PXDC1: variants seen among roughly 807,000 people sequenced by gnomAD.
PXDC1 encodes PX domain containing 1, also known as PX domain-containing protein 1.
In PXDC1, 13 loss-of-function variants were observed where a neutral mutation model predicts 24.4. The observed-to-expected ratio is 0.53, with a 90% CI of 0.35 to 0.85. The LOEUF is 0.85. PXDC1 is among the 40% of genes least tolerant of loss of function. The pLI, the probability that PXDC1 is intolerant of heterozygous loss-of-function variation, is 0.01. For synonymous variants in PXDC1, 162 were observed against 124.9 expected (o/e 1.30, Z -1.98); for missense variants, 344 against 309.3 (o/e 1.11, Z -0.84).
In PXDC1 at chr6:3,723,442, AC is replaced by A; in HGVS notation, c.*176del. 2 of 641,286 alleles carry A rather than the reference AC, an allele frequency of 3.1e-6. No individual in the cohort carries two copies. Among genetic ancestry groups the A allele is most frequent in the South Asian group, 3.8e-5 (2 of 53,242 alleles). 39.7% of individuals were successfully genotyped at this position (641,286 alleles called of 1,614,324 possible). A position where few individuals can be genotyped will look rare whatever the true frequency, so the allele number is the denominator to read the frequency against. On this transcript the variant is annotated 3_prime_UTR_variant, in exon 5 of 5. Coordinates refer to ENST00000380283, the MANE Select transcript of PXDC1 (RefSeq NM_183373.4). Reference sequence around the variant, plus strand: ...GGAGACTCTGCGGTCAGCCTGGCCCACTAGGAGCCCCTGCTGCTCCACTTGC... The same window carrying A: ...GGAGACTCTGCGGTCAGCCTGGCCCATAGGAGCCCCTGCTGCTCCACTTGC...
intron 1 of PXDC1, among the ~76,000 whole-genome samples, chr6:3,741,406 A>G (rs763093200): frequency 6.6e-6 from 1 of 152,204 alleles, no homozygotes; most frequent in Non-Finnish European, 1.5e-5. Flanking sequence ...AAGCACAGAA[A>G]TGACGGTGCT....
Position 3,727,635 on chromosome 6 carries a change from A to G in PXDC1, c.494T>C (p.Leu165Ser), listed in dbSNP as rs776343810. Residue 165 changes from leucine to serine, a missense_variant, in exon 4 of 5, where the codon TTA becomes TCA. Physicochemically the swap from Leu to Ser is moderately radical, Grantham distance 145 (BLOSUM62 -2). Coordinates refer to ENST00000380283, the MANE Select transcript of PXDC1 (RefSeq NM_183373.4). ...SEIMRSNGFC[L>S]ANTETIVIDH... ...AATAACTATTGTTTCGGTATTTGCT[A>G]AACAAAATCCATTGGACCTCATGAT... is the stretch of plus-strand genomic sequence containing the variant. 1.3e-5 allele frequency: 21 copies of G among 1,613,822 alleles called. No individual in the cohort carries two copies. Among genetic ancestry groups the G allele is most frequent in the Non-Finnish European group, 1.7e-5 (20 of 1,179,684 alleles).
chr6:3,750,210 G>A (rs1441264350), intron 1 of PXDC1, among the ~76,000 whole-genome samples: 2 of 152,242 alleles, frequency 1.3e-5, no homozygotes, highest in South Asian at 2.1e-4. Context: ...TCTCAAGAAC[G>A]CAGCCAGATA....
At chr6:3,744,805 C>T (rs1233269498) in intron 1 of PXDC1, among the ~76,000 whole-genome samples, 1 of 152,238 alleles carries the variant, frequency 6.6e-6, no homozygotes. Flanking sequence ...TCAAGTGATT[C>T]TCCTGCCTTA....
Position 3,751,596 on chromosome 6 carries a change from C to A in PXDC1, c.-65G>T. 2 of 1,431,826 alleles carry A rather than the reference C, an allele frequency of 1.4e-6. No individual in the cohort carries two copies. Among genetic ancestry groups the A allele is most frequent in the Non-Finnish European group, 1.8e-6 (2 of 1,098,050 alleles). 88.7% of individuals were successfully genotyped at this position (1,431,826 alleles called of 1,614,324 possible). On this transcript the variant is annotated 5_prime_UTR_variant, in exon 1 of 5. Transcript: ENST00000380283. ...CGCCCGCCCGCCCGCAGGAGGCGCG[C>A]CCCGGCCGGGGTCGTCCCGGGTCTG...
intron 1 of PXDC1, among the ~76,000 whole-genome samples, chr6:3,743,714 A>C (rs1760499929): frequency 6.6e-6 from 1 of 152,176 alleles, no homozygotes; most frequent in Non-Finnish European, 1.5e-5. Context: ...GCTATCCGAG[A>C]CTGACACGTT....
rs543773107 is a variant in PXDC1 at position 3,742,895 on chromosome 6, C to T, written c.257-4747G>A. Reference sequence around the variant, plus strand: ...TTTTCTTCCTAAAGGAGTTAGGTCTCGAAAGCTGAAAACACAGCGTTGTAT... The same window carrying T: ...TTTTCTTCCTAAAGGAGTTAGGTCTTGAAAGCTGAAAACACAGCGTTGTAT... On this transcript the variant is annotated intron_variant, in intron 1 of 4. Transcript: ENST00000380283. Among the ~76,000 whole-genome samples the T allele has an allele frequency of 5.3e-5, 8 of 152,294 alleles. No homozygotes were observed. The East Asian group carries it at 1.3e-3, about 26-fold the overall frequency.
Position 3,751,438 on chromosome 6 carries a change from G to T in PXDC1, c.94C>A (p.Arg32Ser). The change falls in exon 1 of 5, where the codon CGC (arginine) becomes AGC (serine). Residue 32 changes from arginine (R) to serine (S), a missense_variant. Transcript: ENST00000380283. ...TCGAAGAACTCCTCTTCGTCGCCGCGCCGGCTGACGATGAGCCTGCGGATG... is the reference window on the plus strand; with the variant it reads ...TCGAAGAACTCCTCTTCGTCGCCGCTCCGGCTGACGATGAGCCTGCGGATG... ...NGIRRLIVSR[R>S]GDEEEFFEIR... The T allele has an allele frequency of 6.3e-7, 1 of 1,592,414 alleles. No homozygotes were observed. Among genetic ancestry groups the T allele is most frequent in the Non-Finnish European group, 8.5e-7 (1 of 1,170,586 alleles).
At chr6:3,726,485 G>A (rs1027465162) in intron 4 of PXDC1, among the ~76,000 whole-genome samples, 8 of 152,332 alleles carry the variant, frequency 5.3e-5, no homozygotes, top group South Asian at 4.1e-4. Flanking sequence ...CCATCTACCC[G>A]GGAGACACAC....
At chr6:3,743,448 AGGG>A (rs35535268) in intron 1 of PXDC1, among the ~76,000 whole-genome samples, 16 of 152,104 alleles carry the variant, frequency 1.1e-4, no homozygotes, top group Non-Finnish European at 2.2e-4. Flanking sequence ...GCAGAGGTGA[AGGG>A]GGGAACGCAG....
chr6:3,730,510 C>T (rs1436280743), intron 3 of PXDC1, among the ~76,000 whole-genome samples: 1 of 150,722 alleles, frequency 6.6e-6, no homozygotes, highest in African/African-American at 2.4e-5. Flanking sequence ...AACACGTCCA[C>T]AGTTTAAAAA....
At chr6:3,740,792 G>A (rs755472173) in intron 1 of PXDC1, among the ~76,000 whole-genome samples, 3 of 152,266 alleles carry the variant, frequency 2.0e-5, no homozygotes, top group Non-Finnish European at 4.4e-5. Context: ...CTGTGATGAT[G>A]GGACTGGCTC....
chr6:3,723,579 GC>G lies in PXDC1; in HGVS notation c.*39del, dbSNP rs1759989087. 1 of 1,433,866 alleles carries G rather than the reference GC, an allele frequency of 7.0e-7. No homozygotes were observed. Among genetic ancestry groups the G allele is most frequent in the Non-Finnish European group, 9.8e-7 (1 of 1,017,046 alleles). The allele number at this position is 1,433,866 out of a possible 1,614,324, so 88.8% of individuals were successfully genotyped here. On this transcript the variant is annotated 3_prime_UTR_variant, in exon 5 of 5. Transcript: ENST00000380283. ...AGCACAGTGGACAGCATCAGAGCTGGCAGTGAACAGCTGAGGCGGGGGAGGC... is the reference window on the plus strand; with the variant it reads ...AGCACAGTGGACAGCATCAGAGCTGGAGTGAACAGCTGAGGCGGGGGAGGC...
At chr6:3,733,983 G>A (rs1283079731) in intron 3 of PXDC1, among the ~76,000 whole-genome samples, 4 of 152,164 alleles carry the variant, frequency 2.6e-5, no homozygotes, top group Non-Finnish European at 5.9e-5. Flanking sequence ...CCCGGGGACA[G>A]TCTTGACTTG....
Position 3,751,522 on chromosome 6 carries a change from C to A in PXDC1, c.10G>T (p.Ala4Ser), listed in dbSNP as rs1760720543. 3 of 1,587,282 alleles carry A rather than the reference C, an allele frequency of 1.9e-6. No individual in the cohort carries two copies. The highest frequency in any genetic ancestry group is 1.7e-6 in the Non-Finnish European group (2 of 1,169,524). Residue 4 changes from alanine to serine, a missense_variant, in exon 1 of 5, where the codon GCG becomes TCG. Transcript: ENST00000380283. ...ACGAGCGACGTGCCCTCAAACACCG[C>A]CGAGGCCATGTCGCACGCATGCCCC... MAS[A>S]VFEGTSLVNM...
chr6:3,737,010 T>G lies in PXDC1; in HGVS notation c.466+69A>C, dbSNP rs112794451. 1.5e-3 allele frequency: 1,406 copies of G among 923,318 alleles called. 16 individuals are homozygous for G. In the African/African-American group the frequency reaches 0.02, roughly 13 times the overall value. 57.2% of individuals were successfully genotyped at this position (923,318 alleles called of 1,614,324 possible). A position where few individuals can be genotyped will look rare whatever the true frequency, so the allele number is the denominator to read the frequency against. On this transcript the variant is annotated intron_variant, in intron 3 of 4. Coordinates refer to ENST00000380283, the MANE Select transcript of PXDC1 (RefSeq NM_183373.4). The surrounding 1 kb of genome is among the most constrained non-coding windows in gnomAD (Gnocchi z 5.5). ...GCCCAGCCTCAGAGACAGCCAACTG[T>G]GAGGGTTTCTGTGACATCTCAGCCT... is the stretch of plus-strand genomic sequence containing the variant.
intron 1 of PXDC1, among the ~76,000 whole-genome samples, chr6:3,746,570 G>C (rs1007932595): frequency 2.0e-5 from 3 of 152,140 alleles, no homozygotes; most frequent in South Asian, 2.1e-4. Flanking sequence ...AATTCTGCAC[G>C]GGGGTGGAGC....
At chr6:3,732,088 A>G (rs1228234768) in intron 3 of PXDC1, among the ~76,000 whole-genome samples, 1 of 152,234 alleles carries the variant, frequency 6.6e-6, no homozygotes, top group Non-Finnish European at 1.5e-5. Flanking sequence ...CTATCAATCA[A>G]TGGATCTTTT....
At chr6:3,742,706 A>T (rs1419015615) in intron 1 of PXDC1, among the ~76,000 whole-genome samples, 1 of 152,204 alleles carries the variant, frequency 6.6e-6, no homozygotes, top group Non-Finnish European at 1.5e-5. Context: ...AACTTTAAAA[A>T]TTTCATCCTA....
Sources: allele counts gnomAD v4.1 joint callset (sites outside exome capture counted in the v4.1 genomes callset), GRCh38; gene constraint gnomAD v4.1.1; non-coding constraint Gnocchi (gnomAD v3.1); transcripts MANE v1.5; gene names NCBI Gene and HGNC (gene_info 2026-07-23, HGNC 2026-07-21).